The following XKR9 variants were observed in gnomAD, a reference collection of about 807,000 sequenced individuals.
The protein encoded by XKR9 is XK related 9.
In XKR9, 32 loss-of-function variants were observed where a neutral mutation model predicts 32.0. The observed-to-expected ratio is 1.00, with a 90% CI of 0.76 to 1.34. The LOEUF is 1.34. Among genes scored for constraint, XKR9 ranks in the 40% most tolerant of loss-of-function variants. The pLI, the probability that XKR9 is intolerant of heterozygous loss-of-function variation, is 0.00. For missense variants in XKR9, 546 were observed against 429.7 expected, an observed-to-expected ratio of 1.27 and a Z score of -2.39; for synonymous variants, 168 against 143.4, an observed-to-expected ratio of 1.17 and a Z score of -1.22.
Position 70,776,947 on chromosome 8 carries a change from C to CTCTCTCTCTCTCTCTATA in XKR9, n.353-12391_353-12390insCTCTCTCTCTCTCTATAT. Reference sequence around the variant, plus strand: ...TTTCTCTCTCTCTCTCTCTCTCTCTCTATATATATATATATATGTATGTAT... The same window carrying CTCTCTCTCTCTCTCTATA: ...TTTCTCTCTCTCTCTCTCTCTCTCTCTCTCTCTCTCTCTCTATATATATATATATATATATGTATGTAT... On this transcript the variant is annotated intron_variant and non_coding_transcript_variant, in intron 2 of 3. Coordinates refer to the XKR9 transcript ENST00000520273. Among the ~76,000 whole-genome samples the CTCTCTCTCTCTCTCTATA allele has an allele frequency of 7.8e-3, 421 of 54,186 alleles. 3 individuals carry two copies. Among genetic ancestry groups the CTCTCTCTCTCTCTCTATA allele is most frequent in the East Asian group, 0.02 (50 of 2,454 alleles). The allele number at this position is 54,186 out of a possible 152,430, so 35.5% of individuals were successfully genotyped here. A position where few individuals can be genotyped will look rare whatever the true frequency, so the allele number is the denominator to read the frequency against.
intron 2 of XKR9, among the ~76,000 whole-genome samples, chr8:70,764,377 C>G (rs1807347312): frequency 6.6e-6 from 1 of 152,154 alleles, no homozygotes; most frequent in South Asian, 2.1e-4. Flanking sequence ...TCTGGAACTT[C>G]AGCTTGGAGA....
At chr8:70,775,471 G>A (rs1807506265) in intron 2 of XKR9, among the ~76,000 whole-genome samples, 1 of 151,954 alleles carries the variant, frequency 6.6e-6, no homozygotes, top group African/African-American at 2.4e-5. Flanking sequence ...CTCTTTCTCA[G>A]GTTTTCTTCT....
chr8:70,778,135 G>A (rs994135351), intron 2 of XKR9, among the ~76,000 whole-genome samples: 5 of 152,138 alleles, frequency 3.3e-5, no homozygotes, highest in African/African-American at 1.2e-4. Flanking sequence ...TTTGTATAAG[G>A]TGTAAGGAAG....
intron 4 of XKR9, among the ~76,000 whole-genome samples, chr8:70,720,879 C>T (rs1274049213): frequency 6.6e-6 from 1 of 152,164 alleles, no homozygotes; most frequent in Non-Finnish European, 1.5e-5. Flanking sequence ...GGAATGGTAC[C>T]AGCTCCTCTT....
At chr8:70,794,464 T>C (rs1204962872), downstream of XKR9, among the ~76,000 whole-genome samples, 3 of 152,122 alleles carry the variant, frequency 2.0e-5, no homozygotes, top group Admixed American at 2.0e-4. Flanking sequence ...TCTTTCACCA[T>C]TAATTTTGAT....
chr8:70,907,569 A>G, the XKR9 span, among the ~76,000 whole-genome samples: 1 of 152,180 alleles, frequency 6.6e-6, no homozygotes, highest in Non-Finnish European at 1.5e-5. Context: ...TGATGAGCAT[A>G]ACAGATTTGG....
the XKR9 span, among the ~76,000 whole-genome samples, chr8:70,809,751 A>G: frequency 1.3e-5 from 2 of 152,228 alleles, no homozygotes. Flanking sequence ...AGAAAAAAGA[A>G]TAAAAAGAAA....
chr8:71,010,456 A>T, the XKR9 span, among the ~76,000 whole-genome samples: 4 of 152,150 alleles, frequency 2.6e-5, no homozygotes, highest in African/African-American at 9.7e-5. Flanking sequence ...CAGCTTCTCT[A>T]TGCAACATAG....
At chr8:70,785,567 T>C (rs1024354972) in intron 2 of XKR9, among the ~76,000 whole-genome samples, 4 of 69,492 alleles carry the variant, frequency 5.8e-5, no homozygotes, top group South Asian at 5.9e-4. Flanking sequence ...TAGTTTCTTC[T>C]TTTTTTATAG....
chr8:70,709,357 C>A (rs796911573), intron 4 of XKR9, among the ~76,000 whole-genome samples: 15 of 152,182 alleles, frequency 9.9e-5, no homozygotes, highest in African/African-American at 3.4e-4. Context: ...TGAGAATGGG[C>A]AAAAGCTGGA....
In XKR9 at chr8:70,776,947, C is replaced by CTCTCTCTCTATA; in HGVS notation, n.353-12391_353-12390insCTCTCTCTATAT. Among the ~76,000 whole-genome samples, 373 of 54,176 alleles carry CTCTCTCTCTATA rather than the reference C, an allele frequency of 6.9e-3. 7 individuals are homozygous for CTCTCTCTCTATA. Among genetic ancestry groups the CTCTCTCTCTATA allele is most frequent in the South Asian group, 0.038 (63 of 1,652 alleles). The allele number at this position is 54,176 out of a possible 152,430, so 35.5% of individuals were successfully genotyped here. ...TTTCTCTCTCTCTCTCTCTCTCTCTCTATATATATATATATATGTATGTAT... is the reference window on the plus strand; with the variant it reads ...TTTCTCTCTCTCTCTCTCTCTCTCTCTCTCTCTCTATATATATATATATATATATGTATGTAT... On this transcript the variant is annotated intron_variant and non_coding_transcript_variant, in intron 2 of 3. Transcript: ENST00000520273.
chr8:70,955,414 T>C, the XKR9 span, among the ~76,000 whole-genome samples: 2 of 152,254 alleles, frequency 1.3e-5, no homozygotes, highest in South Asian at 4.1e-4. Flanking sequence ...GGATGTTATA[T>C]ATTTGATTTT....
the XKR9 span, among the ~76,000 whole-genome samples, chr8:70,960,649 G>T: frequency 6.6e-6 from 1 of 152,028 alleles, no homozygotes; most frequent in African/African-American, 2.4e-5. Context: ...AGACTGAGGC[G>T]GGAGGATTGC....
the XKR9 span, among the ~76,000 whole-genome samples, chr8:70,851,646 G>A: frequency 1.3e-5 from 2 of 152,176 alleles, no homozygotes; most frequent in East Asian, 1.9e-4. Context: ...ACAACCATCT[G>A]ATCTTCAAGA....
chr8:70,858,027 C>T, the XKR9 span, among the ~76,000 whole-genome samples: 1 of 152,130 alleles, frequency 6.6e-6, no homozygotes, highest in African/African-American at 2.4e-5. Flanking sequence ...TGGGCAAAAA[C>T]AGGAAGCATT....
chr8:70,738,904 T>C (rs1268184356), downstream of XKR9, among the ~76,000 whole-genome samples: 1 of 152,214 alleles, frequency 6.6e-6, no homozygotes, highest in Non-Finnish European at 1.5e-5. Context: ...GTGGTCAATT[T>C]TGGAATAGGT....
At chr8:70,675,255 G>T (rs191504677) in intron 2 of XKR9, among the ~76,000 whole-genome samples, 2 of 152,228 alleles carry the variant, frequency 1.3e-5, no homozygotes, top group South Asian at 2.1e-4. Flanking sequence ...GCGAAACCCC[G>T]TCTCTACTAA....
chr8:70,838,837 A>G, the XKR9 span, among the ~76,000 whole-genome samples: 2 of 152,066 alleles, frequency 1.3e-5, no homozygotes, highest in Non-Finnish European at 2.9e-5. Context: ...CCTCTACAAA[A>G]GTAGAAAAAA....
intron 2 of XKR9, among the ~76,000 whole-genome samples, chr8:70,745,866 G>C (rs1200358097): frequency 6.6e-6 from 1 of 152,156 alleles, no homozygotes; most frequent in Non-Finnish European, 1.5e-5. Context: ...CCTTGTGATT[G>C]TGGGGGTCAG....
Sources: gnomAD v4.1 joint callset for allele counts (sites outside exome capture counted in the v4.1 genomes callset) on GRCh38, gnomAD v4.1.1 for gene constraint, MANE v1.5 for transcripts, NCBI Gene and HGNC (gene_info 2026-07-23, HGNC 2026-07-21) for gene names.